Variants in ATP8B4 observed in about 807,000 individuals in gnomAD.
The protein encoded by ATP8B4 is ATPase phospholipid transporting 8B4 (putative), also known as probable phospholipid-transporting ATPase IM.
Under a neutral mutation model 145.6 loss-of-function variants are expected in ATP8B4, and 133 were observed. That is an observed-to-expected ratio of 0.91 (90% confidence interval 0.79 to 1.05). ATP8B4 has a LOEUF of 1.05. Among genes scored for constraint, ATP8B4 ranks in the 50% least tolerant of loss-of-function variants. ATP8B4 has a pLI of 0.00. For missense variants in ATP8B4, 1,458 were observed against 1,425.2 expected (o/e 1.02, Z -0.37); for synonymous variants, 507 against 492.9 (o/e 1.03, Z -0.38).
At chr15:50,160,599 T>C (rs2044503524) in intron 1 of ATP8B4, among the ~76,000 whole-genome samples, 1 of 152,058 alleles carries the variant, frequency 6.6e-6, no homozygotes, top group African/African-American at 2.4e-5. Context: ...TTTCAAGAAA[T>C]TTTTCAATTT....
chr15:50,027,298 G>A (rs2050077178), intron 6 of ATP8B4, among the ~76,000 whole-genome samples: 1 of 152,080 alleles, frequency 6.6e-6, no homozygotes, highest in South Asian at 2.1e-4. Flanking sequence ...GCAGTGACAT[G>A]GGTCCTAATA....
chr15:49,861,422 G>GTGTGTGTGTGTCTGTC (rs1555390912), intron 27 of ATP8B4, among the ~76,000 whole-genome samples: 1 of 148,266 alleles, frequency 6.7e-6, no homozygotes, highest in Admixed American at 6.7e-5. Flanking sequence ...GTGTGTGTGT[G>GTGTGTGTGTGTCTGTC]TGTCTGTCTG....
At chr15:49,991,021 C>T (rs1038343327) in intron 9 of ATP8B4, among the ~76,000 whole-genome samples, 2 of 152,096 alleles carry the variant, frequency 1.3e-5, no homozygotes, top group Non-Finnish European at 2.9e-5. Context: ...ATCATTACCA[C>T]CATAATGGCA....
At chr15:49,955,527 T>G (rs1486223188) in intron 14 of ATP8B4, among the ~76,000 whole-genome samples, 2 of 152,200 alleles carry the variant, frequency 1.3e-5, no homozygotes, top group Non-Finnish European at 2.9e-5. Context: ...ATCTCTTATA[T>G]GTCCAAAAGA....
chr15:49,981,328 A>G, intron 10 of ATP8B4, 34 bp from the exon 11 acceptor site: 5 of 1,475,722 alleles, frequency 3.4e-6, no homozygotes, highest in Non-Finnish European at 4.7e-6. Flanking sequence ...TAACTTTGAA[A>G]TGATATGATT....
intron 25 of ATP8B4, among the ~76,000 whole-genome samples, chr15:49,869,337 A>AT (rs2033334766): frequency 6.6e-6 from 1 of 151,840 alleles, no homozygotes; most frequent in Admixed American, 6.5e-5. Context: ...AATACAAGTT[A>AT]TTATAATAAA....
chr15:49,879,399 A>C lies in ATP8B4; in HGVS notation c.2758T>G (p.Leu920Val), dbSNP rs754902875. The C allele has an allele frequency of 1.9e-6, 3 of 1,612,948 alleles. No individual in the cohort carries two copies. The highest frequency in any genetic ancestry group is 2.5e-6 in the Non-Finnish European group (3 of 1,179,344). Residue 920 changes from leucine (L) to valine (V), a missense_variant, in exon 24 of 28, where the codon TTA (leucine) becomes GTA (valine). Coordinates refer to ENST00000284509, the MANE Select transcript of ATP8B4 (RefSeq NM_024837.4). ...FNIVYTSLPV[L>V]AMGIFDQDVS... is the part of the protein sequence containing the mutation. ...ACCTGGTCAAAAATCCCCATGGCTA[A>C]AACAGGCAGTGATGTGTAAACAATG...
chr15:49,998,263 G>A (rs1599713670), intron 8 of ATP8B4, among the ~76,000 whole-genome samples: 1 of 152,156 alleles, frequency 6.6e-6, no homozygotes, highest in African/African-American at 2.4e-5. Context: ...CCAGTAATGG[G>A]ATGGCTGAGT....
chr15:49,869,480 T>C (rs965575091), intron 25 of ATP8B4, among the ~76,000 whole-genome samples: 1 of 151,884 alleles, frequency 6.6e-6, no homozygotes, highest in Admixed American at 6.6e-5. Flanking sequence ...AGAAAACTAA[T>C]ATAAAAATAC....
At chr15:49,893,776 A>G (rs78240983) in intron 23 of ATP8B4, among the ~76,000 whole-genome samples, 1,562 of 152,352 alleles carry the variant, frequency 0.01, 32 homozygotes, top group African/African-American at 0.036. Context: ...AAAGTAGTTA[A>G]GTTGGTAAAT....
At chr15:50,120,471 T>G (rs1243055236), upstream of ATP8B4, among the ~76,000 whole-genome samples, 1 of 152,218 alleles carries the variant, frequency 6.6e-6, no homozygotes, top group Non-Finnish European at 1.5e-5. Flanking sequence ...AATATAAGTT[T>G]GGTAATTCCC....
intron 1 of ATP8B4, among the ~76,000 whole-genome samples, chr15:50,131,255 A>G (rs1037986872): frequency 9.9e-5 from 15 of 152,192 alleles, no homozygotes; most frequent in African/African-American, 3.6e-4. Flanking sequence ...CACATCAATA[A>G]TGATAGGTAA....
chr15:50,147,408 A>C (rs765831823), intron 1 of ATP8B4, among the ~76,000 whole-genome samples: 20 of 131,284 alleles, frequency 1.5e-4, no homozygotes, highest in Non-Finnish European at 2.7e-4. Context: ...AGAGAGAAAG[A>C]GACACTGTCT....
chr15:49,888,045 G>C (rs903552301), intron 23 of ATP8B4, among the ~76,000 whole-genome samples: 6 of 152,082 alleles, frequency 3.9e-5, no homozygotes, highest in Non-Finnish European at 7.4e-5. Context: ...ACCTTTTGGG[G>C]GCCTTAAAAA....
chr15:49,973,742 T>C (rs1353693150), intron 12 of ATP8B4, among the ~76,000 whole-genome samples: 1 of 152,210 alleles, frequency 6.6e-6, no homozygotes, highest in African/African-American at 2.4e-5. Context: ...ACTCTCTCAA[T>C]GCTCAACGTC....
At chr15:50,027,072 T>C (rs1204880760) in intron 6 of ATP8B4, among the ~76,000 whole-genome samples, 1 of 152,142 alleles carries the variant, frequency 6.6e-6, no homozygotes, top group African/African-American at 2.4e-5. Context: ...ATGGCTGACC[T>C]TTGCTGGGGG....
intron 1 of ATP8B4, among the ~76,000 whole-genome samples, chr15:50,172,463 G>A (rs1175746464): frequency 6.6e-6 from 1 of 152,238 alleles, no homozygotes; most frequent in Non-Finnish European, 1.5e-5. Context: ...GCCCAGGCTG[G>A]AGTGCAGCCG....
At chr15:49,899,880 T>C (rs1294176710) in intron 21 of ATP8B4, among the ~76,000 whole-genome samples, 1 of 152,188 alleles carries the variant, frequency 6.6e-6, no homozygotes, top group Non-Finnish European at 1.5e-5. Context: ...ATGGTGTTCT[T>C]GAAGAGCATC....
chr15:49,902,850 G>C (rs1276348073), intron 20 of ATP8B4, among the ~76,000 whole-genome samples: 1 of 152,168 alleles, frequency 6.6e-6, no homozygotes, highest in Non-Finnish European at 1.5e-5. Flanking sequence ...ACTTCAGAAA[G>C]CACCACAGGG....
Sources: allele counts gnomAD v4.1 joint callset (sites outside exome capture counted in the v4.1 genomes callset), GRCh38; gene constraint gnomAD v4.1.1; transcripts MANE v1.5; gene names NCBI Gene and HGNC (gene_info 2026-07-23, HGNC 2026-07-21).